Variants in CHN1 observed in about 807,000 individuals in gnomAD.
CHN1 encodes the protein chimerin 1, also known as N-chimaerin.
In CHN1, 37 loss-of-function variants were observed where a neutral mutation model predicts 59.5. That is an observed-to-expected ratio of 0.62 (90% CI 0.48 to 0.82). The LOEUF is 0.82. Ranked by LOEUF, CHN1 falls within the 40% of genes least tolerant of loss-of-function variation. The pLI, the probability that CHN1 is intolerant of heterozygous loss-of-function variation, is 0.00. For synonymous variants in CHN1, 206 were observed against 200.4 expected, an observed-to-expected ratio of 1.03 and a Z score of -0.24; for missense variants, 469 against 571.0, an observed-to-expected ratio of 0.82 and a Z score of 1.82.
rs1559000147 is a variant in CHN1 at position 174,962,669 on chromosome 2, G to GC, written c.20-10468_20-10467insG. 6.4e-5 allele frequency among the ~76,000 whole-genome samples: 5 copies of GC among 78,092 alleles called. 1 individual carries two copies. Among genetic ancestry groups the GC allele is most frequent in the Non-Finnish European group, 1.1e-4 (4 of 38,062 alleles). The allele number at this position is 78,092 out of a possible 152,430, so 51.2% of individuals were successfully genotyped here. On this transcript the variant is annotated intron_variant, in intron 1 of 12. Coordinates refer to ENST00000409900, the MANE Select transcript of CHN1 (RefSeq NM_001822.7). ...CCCAGCACTTTGGAAGGCCCGGGGGGGGGGGGGGGGGGGGCAGATCACCTG... is the reference window on the plus strand; with the variant it reads ...CCCAGCACTTTGGAAGGCCCGGGGGGCGGGGGGGGGGGGGGCAGATCACCTG...
intron 2 of CHN1, among the ~76,000 whole-genome samples, chr2:174,950,934 C>T (rs1690008890): frequency 6.6e-6 from 1 of 152,046 alleles, no homozygotes; most frequent in Non-Finnish European, 1.5e-5. Context: ...TGTGTGCCAT[C>T]ACGCCTAGCT....
chr2:174,890,172 T>C (rs1252454988), intron 5 of CHN1, among the ~76,000 whole-genome samples: 1 of 152,130 alleles, frequency 6.6e-6, no homozygotes, highest in Non-Finnish European at 1.5e-5. Flanking sequence ...ATACACTGTC[T>C]ACAAAAGACT....
Position 174,988,086 on chromosome 2 carries a change from G to A in CHN1, c.19+16808C>T, listed in dbSNP as rs538069513. Among the ~76,000 whole-genome samples the A allele has an allele frequency of 4.6e-5, 7 of 152,206 alleles. No homozygotes were observed. The South Asian group carries it at 8.3e-4, about 18-fold the overall frequency. Reference sequence around the variant, plus strand: ...CCATAAAAAGTGACAACAGCCAGGCGCGGTGGCTCACGCCTGTAATCCCAG... The same window carrying A: ...CCATAAAAAGTGACAACAGCCAGGCACGGTGGCTCACGCCTGTAATCCCAG... On this transcript the variant is annotated intron_variant, in intron 1 of 12. Transcript: ENST00000409900.
intron 2 of CHN1, among the ~76,000 whole-genome samples, chr2:174,950,970 G>T (rs1328999695): frequency 2.0e-5 from 3 of 151,886 alleles, no homozygotes; most frequent in African/African-American, 7.3e-5. Flanking sequence ...AGTAGAGATG[G>T]GTTTCACCAT....
chr2:174,867,176 C>T (rs937236711), intron 6 of CHN1, among the ~76,000 whole-genome samples: 1 of 151,262 alleles, frequency 6.6e-6, no homozygotes, highest in African/African-American at 2.4e-5. Context: ...GAGTTGGAGA[C>T]CAGCCTGGGC....
chr2:174,802,242 A>G (rs1377846895), intron 11 of CHN1, among the ~76,000 whole-genome samples: 2 of 152,242 alleles, frequency 1.3e-5, no homozygotes, highest in Non-Finnish European at 2.9e-5. Flanking sequence ...CAGCAATGGT[A>G]TACTAACCAT....
At chr2:174,999,384 T>C (rs1691812234) in intron 1 of CHN1, among the ~76,000 whole-genome samples, 1 of 152,150 alleles carries the variant, frequency 6.6e-6, no homozygotes, top group South Asian at 2.1e-4. Context: ...CAATTGCCCA[T>C]AGCAAAGGAC....
At chr2:174,992,395 G>C (rs1049503877) in intron 1 of CHN1, among the ~76,000 whole-genome samples, 2 of 152,216 alleles carry the variant, frequency 1.3e-5, no homozygotes, top group African/African-American at 4.8e-5. Context: ...GTCAGTTCTT[G>C]AAAAGCACTG....
intron 1 of CHN1, among the ~76,000 whole-genome samples, chr2:174,989,786 T>C (rs1209452689): frequency 6.7e-6 from 1 of 150,164 alleles, no homozygotes; most frequent in African/African-American, 2.5e-5. Context: ...TGAAACCCTG[T>C]CTCAAAAAAA....
chr2:174,860,938 C>T (rs1018926030), intron 6 of CHN1, among the ~76,000 whole-genome samples: 12 of 152,088 alleles, frequency 7.9e-5, no homozygotes, highest in African/African-American at 2.2e-4. Flanking sequence ...CCATCTCATA[C>T]GGTCCTTTTA....
At position 174,799,797 on chromosome 2, in the gene CHN1, G is replaced by A; in HGVS notation, c.*319C>T. On this transcript the variant is annotated 3_prime_UTR_variant, in exon 13 of 13. Transcript: ENST00000409900. ...TGGATTACAAGCACAGACTACCCAG[G>A]ACGCAGAGGCGGTGCAGGCGCAGGT... 2 of 546,596 alleles carry A rather than the reference G, an allele frequency of 3.7e-6. No homozygotes were observed. Among genetic ancestry groups the A allele is most frequent in the Non-Finnish European group, 3.5e-6 (1 of 285,212 alleles). 33.9% of individuals were successfully genotyped at this position (546,596 alleles called of 1,614,324 possible).
At chr2:174,945,089 A>C in intron 2 of CHN1, 146 bp from the exon 3 acceptor site, 2 of 584,998 alleles carry the variant, frequency 3.4e-6, no homozygotes, top group Non-Finnish European at 3.1e-6. Context: ...CAAAACAAAA[A>C]AAGTAAACAA....
intron 6 of CHN1, among the ~76,000 whole-genome samples, chr2:174,859,568 T>C (rs1464992495): frequency 6.6e-6 from 1 of 152,232 alleles, no homozygotes; most frequent in African/African-American, 2.4e-5. Context: ...CCCAAATCAG[T>C]AGCACTTAGA....
At chr2:174,936,560 A>G (rs1384483433) in intron 3 of CHN1, among the ~76,000 whole-genome samples, 2 of 152,192 alleles carry the variant, frequency 1.3e-5, no homozygotes, top group South Asian at 2.1e-4. Flanking sequence ...AGTGCTTAAC[A>G]TGAAATAACA....
At chr2:175,004,037 T>C (rs1691979420) in intron 1 of CHN1, among the ~76,000 whole-genome samples, 1 of 152,236 alleles carries the variant, frequency 6.6e-6, no homozygotes, top group African/African-American at 2.4e-5. Flanking sequence ...TAGCTATCAA[T>C]TACATATCAT....
At chr2:174,907,116 C>G (rs1688565859) in intron 5 of CHN1, among the ~76,000 whole-genome samples, 1 of 152,108 alleles carries the variant, frequency 6.6e-6, no homozygotes, top group African/African-American at 2.4e-5. Context: ...CACGGGAAGA[C>G]ATTAATCAGA....
intron 5 of CHN1, among the ~76,000 whole-genome samples, chr2:174,908,291 A>G (rs1427475178): frequency 6.6e-6 from 1 of 152,218 alleles, no homozygotes; most frequent in East Asian, 1.9e-4. Context: ...TAGTCAAAGA[A>G]AAACTGCTTA....
intron 4 of CHN1, among the ~76,000 whole-genome samples, chr2:174,915,913 A>C (rs1158389454): frequency 6.6e-6 from 1 of 152,244 alleles, no homozygotes; most frequent in Non-Finnish European, 1.5e-5. Context: ...TTTACAAAGA[A>C]CCTATATGTC....
At chr2:174,960,971 C>G (rs940113787) in intron 1 of CHN1, among the ~76,000 whole-genome samples, 1 of 150,202 alleles carries the variant, frequency 6.7e-6, no homozygotes, top group African/African-American at 2.4e-5. Context: ...AGAAAAAAGA[C>G]AAAAAGAAAA....
Sources: gnomAD v4.1 joint callset for allele counts (sites outside exome capture counted in the v4.1 genomes callset) on GRCh38, gnomAD v4.1.1 for gene constraint, MANE v1.5 for transcripts, NCBI Gene and HGNC (gene_info 2026-07-23, HGNC 2026-07-21) for gene names.